Variants in PIGF observed in about 807,000 individuals in gnomAD.
The protein encoded by PIGF is phosphatidylinositol glycan anchor biosynthesis class F, also known as GPI ethanolamine phosphate transferase, stabilizing subunit.
A neutral mutation model predicts 26.0 loss-of-function variants in PIGF; 23 were observed. The observed-to-expected ratio is 0.88, with a 90% CI of 0.64 to 1.25. PIGF has a LOEUF of 1.25. Ranked by LOEUF, PIGF falls within the 50% of genes most tolerant of loss-of-function variation. The probability of loss-of-function intolerance (pLI) is 0.00; values close to 1 mark genes in which losing one functional copy is unlikely to be tolerated. For missense variants in PIGF, 278 were observed against 249.9 expected, an observed-to-expected ratio of 1.11 and a Z score of -0.76; for synonymous variants, 93 against 92.6, an observed-to-expected ratio of 1.00 and a Z score of -0.03.
rs1159687756 is a variant in PIGF at position 46,615,063 on chromosome 2, G to A, written c.102C>T (p.Phe34=). The change falls in exon 2 of 6, where the codon TTC becomes TTT. Residue 34 remains phenylalanine, a synonymous_variant. Transcript: ENST00000281382. The part of the protein sequence containing the change: ...VFIPSLFLEN[F]SILETHLTWL... ...ATGTCAAGTGTGTTTCCAATATTGA[G>A]AAGTTCTCCAAGAAGAGTGATGGAA... The A allele has an allele frequency of 1.9e-6, 3 of 1,598,124 alleles. No individual in the cohort carries two copies. The highest frequency in any genetic ancestry group is 2.6e-6 in the Non-Finnish European group (3 of 1,165,532).
At chr2:46,611,554 A>G (rs564087901) in intron 4 of PIGF, among the ~76,000 whole-genome samples, 1 of 152,292 alleles carries the variant, frequency 6.6e-6, no homozygotes, top group African/African-American at 2.4e-5. Flanking sequence ...AATAACACAG[A>G]GCACAGACTA....
chr2:46,596,787 C>G (rs770806055), intron 4 of PIGF, among the ~76,000 whole-genome samples: 2 of 152,152 alleles, frequency 1.3e-5, no homozygotes, highest in Non-Finnish European at 2.9e-5. Flanking sequence ...ACATTTCTCC[C>G]TGACTCACGC....
chr2:46,590,882 A>G (rs2104075123), intron 5 of PIGF, among the ~76,000 whole-genome samples: 1 of 152,344 alleles, frequency 6.6e-6, no homozygotes, highest in Admixed American at 6.5e-5. Context: ...TATCAGACCT[A>G]TTAAACATGA....
At chr2:46,611,505 C>G (rs926340262) in intron 4 of PIGF, among the ~76,000 whole-genome samples, 3 of 151,634 alleles carry the variant, frequency 2.0e-5, no homozygotes, top group African/African-American at 7.3e-5. Context: ...AAAGATTCCT[C>G]CTAATACTTC....
At chr2:46,613,938 C>T (rs1670518595) in intron 2 of PIGF, 153 bp from the exon 3 acceptor site, 4 of 626,908 alleles carry the variant, frequency 6.4e-6, no homozygotes, top group East Asian at 6.2e-5. Context: ...TGTCCTGTAC[C>T]GTCACATACA....
At chr2:46,612,465 T>C (rs1670454042) in intron 3 of PIGF, 121 bp from the exon 4 acceptor site, 1 of 398,968 alleles carries the variant, frequency 2.5e-6, no homozygotes, top group African/African-American at 2.1e-5. Flanking sequence ...AAAGGTAACA[T>C]GAATGCCACC....
At position 46,589,843 on chromosome 2, in the gene PIGF, AC is replaced by A. The variant is rs1669674996; in HGVS notation, c.546+2631del. ...ATTAAAAAATAACAATAACAAAAAA[AC>A]AAACAACCTTGTTTGCTGGAAATAA... On this transcript the variant is annotated intron_variant, in intron 5 of 5. Transcript: ENST00000281382. This position sits in a 1 kb window ranked among gnomAD's most constrained non-coding sequence, Gnocchi z 4.7. Among the ~76,000 whole-genome samples the A allele has an allele frequency of 6.6e-6, 1 of 151,990 alleles. No homozygotes were observed. The highest frequency in any genetic ancestry group is 1.5e-5 in the Non-Finnish European group (1 of 67,900).
intron 5 of PIGF, among the ~76,000 whole-genome samples, chr2:46,586,939 T>A (rs770446522): frequency 1.3e-5 from 2 of 152,352 alleles, no homozygotes; most frequent in Non-Finnish European, 1.5e-5. Flanking sequence ...CGAAGGGGTG[T>A]GTAGTTCCTG....
intron 4 of PIGF, among the ~76,000 whole-genome samples, chr2:46,605,833 G>T (rs935805637): frequency 6.6e-6 from 1 of 152,132 alleles, no homozygotes; most frequent in Admixed American, 6.5e-5. Flanking sequence ...AATGGTGAAA[G>T]TGAGTATCTC....
intron 5 of PIGF, chr2:46,591,406 C>T: frequency 2.8e-6 from 1 of 357,088 alleles, no homozygotes; most frequent in Non-Finnish European, 3.9e-6. Context: ...CTTAGAATTA[C>T]TAATATTGCT....
intron 4 of PIGF, 88 bp from the exon 5 acceptor site, chr2:46,592,671 C>T: frequency 4.4e-6 from 3 of 678,626 alleles, no homozygotes; most frequent in Non-Finnish European, 5.5e-6. Flanking sequence ...TATCAGTATA[C>T]ATATATTTCC....
chr2:46,608,183 A>G (rs1670284068), intron 4 of PIGF, among the ~76,000 whole-genome samples: 2 of 152,216 alleles, frequency 1.3e-5, no homozygotes, highest in Admixed American at 1.3e-4. Flanking sequence ...AACTAAGTTT[A>G]TGCAATATCC....
At chr2:46,603,351 A>G (rs904671720) in intron 4 of PIGF, among the ~76,000 whole-genome samples, 1 of 152,108 alleles carries the variant, frequency 6.6e-6, no homozygotes, top group Non-Finnish European at 1.5e-5. Flanking sequence ...ACATAAATAG[A>G]AGAAACAATC....
chr2:46,614,114 G>C (rs1332430181), intron 2 of PIGF: 1 of 179,982 alleles, frequency 5.6e-6, no homozygotes, highest in African/African-American at 2.4e-5. Context: ...CAGAGAGCTA[G>C]GATACAAAAA....
chr2:46,587,465 A>G (rs1669612790), intron 5 of PIGF, among the ~76,000 whole-genome samples: 1 of 152,038 alleles, frequency 6.6e-6, no homozygotes, highest in African/African-American at 2.4e-5. Context: ...AAAAATTTTT[A>G]AATACAACAA....
rs56127212 is a variant in PIGF at position 46,600,561 on chromosome 2, A to G, written c.438-7978T>C. Among the ~76,000 whole-genome samples, 567 of 152,304 alleles carry G rather than the reference A, an allele frequency of 3.7e-3. 3 individuals carry two copies. The highest frequency in any genetic ancestry group is 0.013 in the African/African-American group (537 of 41,560). ...TGATGATGAGACTAATTAATTAACT[A>G]TTGATGATCCCATTCTGTTTCTCAA... On this transcript the variant is annotated intron_variant, in intron 4 of 5. Coordinates refer to ENST00000281382, the MANE Select transcript of PIGF (RefSeq NM_002643.4).
At chr2:46,604,743 A>C (rs540753555) in intron 4 of PIGF, among the ~76,000 whole-genome samples, 1 of 152,000 alleles carries the variant, frequency 6.6e-6, no homozygotes, top group South Asian at 2.1e-4. Context: ...GGTGCAGAGA[A>C]TGTGATTAAT....
At chr2:46,606,438 T>C (rs1260613649) in intron 4 of PIGF, among the ~76,000 whole-genome samples, 1 of 152,206 alleles carries the variant, frequency 6.6e-6, no homozygotes, top group African/African-American at 2.4e-5. Flanking sequence ...TTTTCTGTTT[T>C]TATGTGTTTA....
intron 4 of PIGF, among the ~76,000 whole-genome samples, chr2:46,608,490 C>T (rs1338214644): frequency 1.3e-5 from 2 of 152,208 alleles, no homozygotes; most frequent in African/African-American, 4.8e-5. Flanking sequence ...CCTTGAATCA[C>T]AAATGTCCTC....
Sources: allele counts gnomAD v4.1 joint callset (sites outside exome capture counted in the v4.1 genomes callset), GRCh38; gene constraint gnomAD v4.1.1; non-coding constraint Gnocchi (gnomAD v3.1); transcripts MANE v1.5; gene names NCBI Gene and HGNC (gene_info 2026-07-23, HGNC 2026-07-21).